Variants in SLC30A4 observed in about 807,000 individuals in gnomAD.
SLC30A4 encodes probable proton-coupled zinc antiporter SLC30A4.
SLC30A4 carries 20 observed loss-of-function variants against 41.7 expected under a neutral mutation model. That is an observed-to-expected ratio of 0.48 (90% CI 0.34 to 0.70). The LOEUF is 0.70. Among genes scored for constraint, SLC30A4 ranks in the 30% least tolerant of loss-of-function variants. The pLI, the probability that SLC30A4 is intolerant of heterozygous loss-of-function variation, is 0.01. For missense variants in SLC30A4, 441 were observed against 529.3 expected (o/e 0.83, Z 1.64); for synonymous variants, 181 against 195.9 (o/e 0.92, Z 0.64).
At chr15:45,497,005 C>CAACA (rs966459722) in intron 3 of SLC30A4, 17 of 150,768 alleles carry the variant, frequency 1.1e-4, no homozygotes, top group Non-Finnish European at 2.4e-4. Context: ...TCAGCCTGGG[C>CAACA]AACAGAGCAA....
intron 3 of SLC30A4, among the ~76,000 whole-genome samples, chr15:45,492,279 T>C (rs1891825462): frequency 6.7e-6 from 1 of 149,612 alleles, no homozygotes; most frequent in East Asian, 1.9e-4. Flanking sequence ...TCATAAGTTA[T>C]GATTTATACA....
At chr15:45,516,780 G>A (rs966993726) in intron 2 of SLC30A4, among the ~76,000 whole-genome samples, 1 of 151,964 alleles carries the variant, frequency 6.6e-6, no homozygotes, top group Admixed American at 6.6e-5. Context: ...TGAGGCAGGA[G>A]AATCACTTGA....
rs117580893 is a variant in SLC30A4, at chr15:45,508,716, A to G, written c.538+2422T>C. Among the ~76,000 whole-genome samples, 380 of 152,284 alleles carry G rather than the reference A, an allele frequency of 2.5e-3. 11 individuals carry two copies. In the East Asian group the frequency reaches 0.061, roughly 24 times the overall value. On this transcript the variant is annotated intron_variant, in intron 3 of 7. Coordinates refer to ENST00000261867, the MANE Select transcript of SLC30A4 (RefSeq NM_013309.6). Reference sequence around the variant, plus strand: ...GGAATCAAATGGTGCTGTCTGGTCTACCTTCTTGGAACTTAGTACTTTTAA... The same window carrying G: ...GGAATCAAATGGTGCTGTCTGGTCTGCCTTCTTGGAACTTAGTACTTTTAA...
intron 3 of SLC30A4, among the ~76,000 whole-genome samples, chr15:45,493,267 A>G (rs1891845733): frequency 6.6e-6 from 1 of 152,192 alleles, no homozygotes; most frequent in African/African-American, 2.4e-5. Context: ...TAACATTATT[A>G]TATGAAACAA....
chr15:45,486,395 T>C (rs886788306), intron 7 of SLC30A4, among the ~76,000 whole-genome samples: 5 of 152,210 alleles, frequency 3.3e-5, no homozygotes, highest in Non-Finnish European at 7.4e-5. Context: ...AGAAAATTAT[T>C]GTTCTGGTAT....
chr15:45,516,272 G>A (rs1057012608), intron 2 of SLC30A4, among the ~76,000 whole-genome samples: 1 of 152,166 alleles, frequency 6.6e-6, no homozygotes, highest in African/African-American at 2.4e-5. Context: ...ATTTTCTAGT[G>A]CAGTAGTTCT....
intron 3 of SLC30A4, among the ~76,000 whole-genome samples, chr15:45,508,142 G>A (rs1892198997): frequency 6.6e-6 from 1 of 152,094 alleles, no homozygotes; most frequent in South Asian, 2.1e-4. Context: ...TATTAATATG[G>A]GGTGTAGGGC....
chr15:45,509,367 C>T (rs1892230064), intron 3 of SLC30A4, among the ~76,000 whole-genome samples: 1 of 151,752 alleles, frequency 6.6e-6, no homozygotes, highest in South Asian at 2.1e-4. Flanking sequence ...AGTTCTTCTG[C>T]CTCAGCTTCC....
chr15:45,486,486 G>A (rs1891708231), intron 7 of SLC30A4, 125 bp downstream of exon 7: 1 of 868,194 alleles, frequency 1.2e-6, no homozygotes, highest in African/African-American at 1.8e-5. Context: ...TAAAGACAAA[G>A]GCTTTTGTCT....
chr15:45,507,086 C>T (rs1892171609), intron 3 of SLC30A4, among the ~76,000 whole-genome samples: 1 of 152,096 alleles, frequency 6.6e-6, no homozygotes, highest in Non-Finnish European at 1.5e-5. Context: ...CTTTGGGAGG[C>T]CGAGGCGGGT....
At chr15:45,515,185 C>CT (rs968673735) in intron 2 of SLC30A4, among the ~76,000 whole-genome samples, 293 of 146,304 alleles carry the variant, frequency 2.0e-3, no homozygotes, top group African/African-American at 6.4e-3. Flanking sequence ...CCGTGCTTGG[C>CT]TTTTTTTTTT....
chr15:45,509,875 G>A (rs1473617449), intron 3 of SLC30A4, among the ~76,000 whole-genome samples: 1 of 151,882 alleles, frequency 6.6e-6, no homozygotes. Flanking sequence ...CCTGGGCAAA[G>A]GATGACCCCC....
rs1166117279 is a variant in SLC30A4 at position 45,484,922 on chromosome 15, A to C, written c.*241T>G. On this transcript the variant is annotated 3_prime_UTR_variant, in exon 8 of 8. Coordinates refer to ENST00000261867, the MANE Select transcript of SLC30A4 (RefSeq NM_013309.6). Reference sequence around the variant, plus strand: ...ATTGTCTTCTATGAGGTATCTGTAGAGTCACATCTCATTCTGTAAACAGTG... The same window carrying C: ...ATTGTCTTCTATGAGGTATCTGTAGCGTCACATCTCATTCTGTAAACAGTG... 1 of 471,096 alleles carries C rather than the reference A, an allele frequency of 2.1e-6. No homozygotes were observed. The highest frequency in any genetic ancestry group is 3.7e-6 in the Non-Finnish European group (1 of 268,064). 29.2% of individuals were successfully genotyped at this position (471,096 alleles called of 1,614,324 possible). A position where few individuals can be genotyped will look rare whatever the true frequency, so the allele number is the denominator to read the frequency against.
At chr15:45,503,497 TC>T (rs907087233) in intron 3 of SLC30A4, among the ~76,000 whole-genome samples, 5 of 151,754 alleles carry the variant, frequency 3.3e-5, no homozygotes, top group Non-Finnish European at 7.4e-5. Context: ...GCGCCTGTAG[TC>T]CCAGCTACTC....
rs940330334 is a variant in SLC30A4, at chr15:45,483,319, A to G, written c.*1844T>C. 1.3e-5 allele frequency: 2 copies of G among 152,226 alleles called. No homozygotes were observed. Among genetic ancestry groups the G allele is most frequent in the African/African-American group, 4.8e-5 (2 of 41,458 alleles). The allele number at this position is 152,226 out of a possible 1,614,324, so 9.4% of individuals were successfully genotyped here. ...AATTTCAACTTACAATTTGCCTGGT[A>G]CATTGTTACCCTACTCTGATTCTTA... On this transcript the variant is annotated 3_prime_UTR_variant, in exon 8 of 8. Transcript: ENST00000261867.
rs1891662963 is a variant in SLC30A4, at chr15:45,484,639, T to G, written c.*524A>C. 6.6e-6 allele frequency: 1 copy of G among 152,380 alleles called. No homozygotes were observed. Among genetic ancestry groups the G allele is most frequent in the South Asian group, 2.1e-4 (1 of 4,842 alleles). The allele number at this position is 152,380 out of a possible 1,614,324, so 9.4% of individuals were successfully genotyped here. ...TGAAATAAAACATTTCTGAAACACT[T>G]AGGAATACATGCTTATTCCACTTTT... On this transcript the variant is annotated 3_prime_UTR_variant, in exon 8 of 8. Coordinates refer to ENST00000261867, the MANE Select transcript of SLC30A4 (RefSeq NM_013309.6).
chr15:45,509,813 C>T (rs916918465), intron 3 of SLC30A4, among the ~76,000 whole-genome samples: 3 of 152,138 alleles, frequency 2.0e-5, no homozygotes, highest in Admixed American at 6.5e-5. Context: ...AATCCCAGCA[C>T]TCTGGGAGGC....
At chr15:45,497,072 T>C (rs906015508) in intron 3 of SLC30A4, 7 of 151,588 alleles carry the variant, frequency 4.6e-5, no homozygotes, top group African/African-American at 1.7e-4. Flanking sequence ...ACCATTAATA[T>C]AGTTTTGTTT....
intron 3 of SLC30A4, among the ~76,000 whole-genome samples, chr15:45,491,187 A>C (rs1891803353): frequency 1.3e-5 from 2 of 152,062 alleles, no homozygotes; most frequent in African/African-American, 4.8e-5. Flanking sequence ...ACACCTGGCT[A>C]ATCATTTTTC....
Sources: allele counts gnomAD v4.1 joint callset (sites outside exome capture counted in the v4.1 genomes callset), GRCh38; gene constraint gnomAD v4.1.1; transcripts MANE v1.5; gene names NCBI Gene and HGNC (gene_info 2026-07-23, HGNC 2026-07-21).